The following TBC1D22B variants were observed in gnomAD, a reference collection of about 807,000 sequenced individuals.
TBC1D22B encodes chromosome 6 open reading frame 197.
Under a neutral mutation model 69.1 loss-of-function variants are expected in TBC1D22B, and 32 were observed. The observed-to-expected ratio is 0.46, with a 90% CI of 0.35 to 0.62. TBC1D22B has a LOEUF of 0.62. Among genes scored for constraint, TBC1D22B ranks in the 20% least tolerant of loss-of-function variants. The probability of loss-of-function intolerance (pLI) is 0.00; values close to 1 mark genes in which losing one functional copy is unlikely to be tolerated. For synonymous variants in TBC1D22B, 206 were observed against 229.8 expected (o/e 0.90, Z 0.94); for missense variants, 462 against 630.9 (o/e 0.73, Z 2.87).
intron 2 of TBC1D22B, 58 bp downstream of exon 2, chr6:37,269,708 T>C: frequency 2.6e-6 from 4 of 1,526,216 alleles, no homozygotes; most frequent in Non-Finnish European, 3.6e-6. Context: ...TACCCTCCCC[T>C]ATTTTGTTGA....
At chr6:37,262,205 A>G (rs997927841) in intron 1 of TBC1D22B, among the ~76,000 whole-genome samples, 6 of 151,442 alleles carry the variant, frequency 4.0e-5, no homozygotes, top group Non-Finnish European at 7.4e-5. Flanking sequence ...TAATTTTTGT[A>G]TTTTTAGTAG....
intron 8 of TBC1D22B, among the ~76,000 whole-genome samples, chr6:37,293,074 TA>T (rs1767238365): frequency 6.7e-6 from 1 of 149,906 alleles, no homozygotes; most frequent in African/African-American, 2.5e-5. Flanking sequence ...TTATTATTAT[TA>T]TTATTATTAT....
chr6:37,325,625 C>T (rs959855535), intron 12 of TBC1D22B, among the ~76,000 whole-genome samples: 16 of 149,558 alleles, frequency 1.1e-4, no homozygotes, highest in African/African-American at 4.0e-4. Context: ...TCTTGGCTCA[C>T]TGCCACCTCT....
chr6:37,261,010 AT>A (rs1766078783), intron 1 of TBC1D22B, among the ~76,000 whole-genome samples: 1 of 152,170 alleles, frequency 6.6e-6, no homozygotes, highest in Non-Finnish European at 1.5e-5. Flanking sequence ...TAGGAGTGGA[AT>A]TGCTGGGTCA....
intron 2 of TBC1D22B, among the ~76,000 whole-genome samples, chr6:37,275,165 G>A (rs6457986): frequency 0.82 from 124,956 of 152,086 alleles, 52,012 homozygotes; most frequent in South Asian, 0.91. Context: ...TATATAAACC[G>A]AAGGCATCCC....
At chr6:37,306,999 TC>T (rs1164294210) in intron 8 of TBC1D22B, among the ~76,000 whole-genome samples, 7 of 152,156 alleles carry the variant, frequency 4.6e-5, no homozygotes, top group Non-Finnish European at 1.0e-4. Flanking sequence ...AGAGACCAGC[TC>T]CCCCTGTCTT....
chr6:37,277,866 T>C (rs1308806511), intron 2 of TBC1D22B, among the ~76,000 whole-genome samples: 1 of 152,036 alleles, frequency 6.6e-6, no homozygotes, highest in Non-Finnish European at 1.5e-5. Flanking sequence ...TGGTGGCTCA[T>C]GCCTGTAATC....
intron 3 of TBC1D22B, among the ~76,000 whole-genome samples, chr6:37,281,557 G>A (rs1326111664): frequency 6.6e-6 from 1 of 152,222 alleles, no homozygotes; most frequent in Non-Finnish European, 1.5e-5. Context: ...TCACCATTGT[G>A]CAGGGCACAC....
chr6:37,324,397 A>G (rs899188440), intron 12 of TBC1D22B: 9 of 456,454 alleles, frequency 2.0e-5, no homozygotes, highest in African/African-American at 1.8e-4. Context: ...GCTGTGACAC[A>G]TCTACAGCAG....
Position 37,257,780 on chromosome 6 carries a change from G to C in TBC1D22B, c.-138G>C, listed in dbSNP as rs553290723. On this transcript the variant is annotated 5_prime_UTR_variant, in exon 1 of 13. Coordinates refer to ENST00000373491, the MANE Select transcript of TBC1D22B (RefSeq NM_017772.4). Reference sequence around the variant, plus strand: ...TGGGTGGAGGGGTGCCCACATCCAAGATGGCGTCCCCAGGAGCTGGGAGCG... The same window carrying C: ...TGGGTGGAGGGGTGCCCACATCCAACATGGCGTCCCCAGGAGCTGGGAGCG... 13 of 932,404 alleles carry C rather than the reference G, an allele frequency of 1.4e-5. No homozygotes were observed. The African/African-American group carries it at 2.2e-4, about 15-fold the overall frequency. The allele number at this position is 932,404 out of a possible 1,614,324, so 57.8% of individuals were successfully genotyped here.
At chr6:37,280,654 C>G (rs555551934) in intron 3 of TBC1D22B, among the ~76,000 whole-genome samples, 1 of 152,210 alleles carries the variant, frequency 6.6e-6, no homozygotes, top group South Asian at 2.1e-4. Flanking sequence ...GATGAGCTGC[C>G]CTGTGCAGCC....
intron 12 of TBC1D22B, among the ~76,000 whole-genome samples, chr6:37,323,010 T>A (rs1036398659): frequency 1.3e-5 from 2 of 152,134 alleles, no homozygotes; most frequent in Non-Finnish European, 2.9e-5. Context: ...ATGAAGAGCG[T>A]GTGCCTGAGT....
chr6:37,284,328 G>T lies in TBC1D22B; in HGVS notation c.673-8G>T. ...CTTTCCCCATCTGACCAGCAGTCTT[G>T]TCTATAGGGCTATCTCCCAGCAAAC... On this transcript the variant is annotated splice_polypyrimidine_tract_variant and splice_region_variant and intron_variant, in intron 5 of 12. Coordinates refer to ENST00000373491, the MANE Select transcript of TBC1D22B (RefSeq NM_017772.4). The T allele has an allele frequency of 6.2e-7, 1 of 1,614,166 alleles. No individual in the cohort carries two copies. The highest frequency in any genetic ancestry group is 2.2e-5 in the East Asian group (1 of 44,886).
At chr6:37,313,689 A>G in intron 9 of TBC1D22B, 127 bp from the exon 10 acceptor site, 1 of 869,410 alleles carries the variant, frequency 1.2e-6, no homozygotes, top group Non-Finnish European at 1.9e-6. Flanking sequence ...TGTTTCCCAG[A>G]ACACTGTCAC....
intron 8 of TBC1D22B, among the ~76,000 whole-genome samples, chr6:37,308,963 A>G (rs1767821383): frequency 6.9e-6 from 1 of 144,252 alleles, no homozygotes; most frequent in Non-Finnish European, 1.5e-5. Context: ...AAAAAAAAAG[A>G]CAGTGCCAGT....
chr6:37,329,871 A>C (rs921461229), intron 12 of TBC1D22B, among the ~76,000 whole-genome samples: 2 of 152,208 alleles, frequency 1.3e-5, no homozygotes, highest in Admixed American at 1.3e-4. Flanking sequence ...CACATCCAGA[A>C]TTGGCCAGAA....
At chr6:37,330,987 C>T in intron 12 of TBC1D22B, 57 bp from the exon 13 acceptor site, 1 of 1,601,242 alleles carries the variant, frequency 6.2e-7, no homozygotes, top group Non-Finnish European at 8.5e-7. Flanking sequence ...AGAATGGGTT[C>T]ACTTGTCTGA....
chr6:37,275,966 C>CTTTTTTTTTT (rs149995165), intron 2 of TBC1D22B, among the ~76,000 whole-genome samples: 2 of 133,228 alleles, frequency 1.5e-5, no homozygotes, highest in African/African-American at 5.6e-5. Context: ...TTCTTTTTTT[C>CTTTTTTTTTT]TTTTTTTTTT....
rs1230532581 is a variant in TBC1D22B at position 37,279,163 on chromosome 6, G to A, written c.114-141G>A. The A allele has an allele frequency of 4.1e-6, 3 of 724,084 alleles. No homozygotes were observed. In the Admixed American group the frequency reaches 8.8e-5, roughly 21 times the overall value. The allele number at this position is 724,084 out of a possible 1,614,324, so 44.9% of individuals were successfully genotyped here. A position where few individuals can be genotyped will look rare whatever the true frequency, so the allele number is the denominator to read the frequency against. ...GTCTGGATGTATCTAGATGAAGAAT[G>A]GATGTGGGCAATTTTTGTTTGAAGA... On this transcript the variant is annotated intron_variant, in intron 2 of 12. Coordinates refer to ENST00000373491, the MANE Select transcript of TBC1D22B (RefSeq NM_017772.4).
Sources: allele counts gnomAD v4.1 joint callset (sites outside exome capture counted in the v4.1 genomes callset), GRCh38; gene constraint gnomAD v4.1.1; transcripts MANE v1.5; gene names NCBI Gene and HGNC (gene_info 2026-07-23, HGNC 2026-07-21).